Variants in SPMAP2 observed in about 807,000 individuals in gnomAD.
The protein encoded by SPMAP2 is Theg homolog.
chr19:375,400 C>T, the SPMAP2 span, among the ~76,000 whole-genome samples: 4 of 152,172 alleles, frequency 2.6e-5, no homozygotes, highest in Non-Finnish European at 2.9e-5. Context: ...CCAAACTCAG[C>T]GCTGTTTACT....
At chr19:367,711 C>G in the SPMAP2 span, among the ~76,000 whole-genome samples, 1 of 152,154 alleles carries the variant, frequency 6.6e-6, no homozygotes, top group African/African-American at 2.4e-5. Context: ...CATACGGGGA[C>G]TCCTGCGCTT....
the SPMAP2 span, among the ~76,000 whole-genome samples, chr19:368,360 C>T: frequency 6.6e-6 from 1 of 152,106 alleles, no homozygotes; most frequent in East Asian, 1.9e-4. The surrounding 1 kb of genome is among the most constrained non-coding windows in gnomAD (Gnocchi z 4.1). Context: ...TGCTCCCGTA[C>T]ACGTGTGTAG....
chr19:375,845 G>A, the SPMAP2 span: 3 of 1,603,244 alleles, frequency 1.9e-6, no homozygotes, highest in Non-Finnish European at 1.7e-6. Context: ...CGGGGTCTGT[G>A]ACCCGCCGGC....
the SPMAP2 span, among the ~76,000 whole-genome samples, chr19:372,186 G>C: frequency 3.9e-5 from 6 of 152,188 alleles, no homozygotes; most frequent in East Asian, 1.2e-3. Flanking sequence ...TAAAAGATGG[G>C]TAATTATATG....
At chr19:371,303 T>C in the SPMAP2 span, 1 of 1,487,632 alleles carries the variant, frequency 6.7e-7, no homozygotes, top group Non-Finnish European at 9.0e-7. Flanking sequence ...GACCGAGGAA[T>C]GGGCCAGACA....
At chr19:364,127 A>C in the SPMAP2 span, among the ~76,000 whole-genome samples, 46 of 150,764 alleles carry the variant, frequency 3.1e-4, no homozygotes, top group African/African-American at 9.7e-4. Context: ...AGGTCAGGAG[A>C]TCGAGACCAT....
At chr19:364,294 G>A in the SPMAP2 span, among the ~76,000 whole-genome samples, 223 of 138,386 alleles carry the variant, frequency 1.6e-3, no homozygotes, top group African/African-American at 2.9e-3. Flanking sequence ...CTGAGATCGC[G>A]CCACTGCGCT....
At chr19:365,437 C>T in the SPMAP2 span, among the ~76,000 whole-genome samples, 1 of 152,160 alleles carries the variant, frequency 6.6e-6, no homozygotes, top group South Asian at 2.1e-4. Context: ...TCCAGCACTC[C>T]CGAGCAGCAG....
chr19:363,055 C>T, the SPMAP2 span, among the ~76,000 whole-genome samples: 32 of 152,156 alleles, frequency 2.1e-4, no homozygotes, highest in African/African-American at 7.5e-4. Flanking sequence ...GGCTGGGAGA[C>T]GGGAATGGGG....
At chr19:374,299 C>A in the SPMAP2 span, 1 of 1,614,028 alleles carries the variant, frequency 6.2e-7, no homozygotes, top group Non-Finnish European at 8.5e-7. Context: ...GTGTCCTCAC[C>A]TGTCTTTCAG....
chr19:375,554 G>A, the SPMAP2 span: 1 of 1,186,796 alleles, frequency 8.4e-7, no homozygotes, highest in Non-Finnish European at 1.1e-6. Flanking sequence ...CCAGGCCGGT[G>A]GCCGGTTACG....
chr19:372,758 AG>A, the SPMAP2 span: 1 of 1,542,866 alleles, frequency 6.5e-7, no homozygotes, highest in Non-Finnish European at 9.0e-7. Flanking sequence ...TGCAGTTCCC[AG>A]GGGCTTCTGC....
chr19:362,391 G>A, the SPMAP2 span: 38 of 1,608,380 alleles, frequency 2.4e-5, no homozygotes, highest in South Asian at 1.3e-4. Context: ...CGAGGATCTC[G>A]GTCAGGAACG....
chr19:374,393 T>A, the SPMAP2 span: 2 of 1,614,122 alleles, frequency 1.2e-6, no homozygotes, highest in Non-Finnish European at 1.7e-6. Flanking sequence ...ATGGTGGTGC[T>A]GGGGAGCTTC....
chr19:366,913 C>G, the SPMAP2 span: 1 of 904,590 alleles, frequency 1.1e-6, no homozygotes, highest in Non-Finnish European at 1.7e-6. Context: ...TCTCAGACAA[C>G]ACCCTCTGCT....
chr19:374,015 C>T, the SPMAP2 span: 340 of 1,613,000 alleles, frequency 2.1e-4, no homozygotes, highest in African/African-American at 9.2e-4. Flanking sequence ...TCCCTTCCTG[C>T]GAGGAGACAG....
chr19:366,045 G>A, the SPMAP2 span, among the ~76,000 whole-genome samples: 5 of 152,170 alleles, frequency 3.3e-5, no homozygotes, highest in African/African-American at 1.2e-4. Flanking sequence ...GGAAGCCGAG[G>A]CAGGAGAATG....
chr19:365,774 CACAA>C, the SPMAP2 span, among the ~76,000 whole-genome samples: 1 of 150,804 alleles, frequency 6.6e-6, no homozygotes, highest in Admixed American at 6.6e-5. Flanking sequence ...CAAGTGTGAG[CACAA>C]ACAGCCACAC....
At chr19:372,710 A>G in the SPMAP2 span, 2 of 1,613,840 alleles carry the variant, frequency 1.2e-6, no homozygotes, top group Non-Finnish European at 1.7e-6. Flanking sequence ...GCTATGCAAA[A>G]TGGGAAACGG....
Sources: allele counts gnomAD v4.1 joint callset (sites outside exome capture counted in the v4.1 genomes callset), GRCh38; gene constraint gnomAD v4.1.1; non-coding constraint Gnocchi (gnomAD v3.1); transcripts MANE v1.5; gene names NCBI Gene and HGNC (gene_info 2026-07-23, HGNC 2026-07-21).